The following ITSN1 variants were observed in gnomAD, a reference collection of about 807,000 sequenced individuals.
The protein encoded by ITSN1 is intersectin-1.
Under a neutral mutation model 239.8 loss-of-function variants are expected in ITSN1, and 58 were observed. The ratio of observed to expected loss-of-function variants is 0.24; its 90% CI spans 0.20 to 0.30. ITSN1 has a LOEUF of 0.30. Among genes scored for constraint, ITSN1 ranks in the 10% least tolerant of loss-of-function variants. The pLI, the probability that ITSN1 is intolerant of heterozygous loss-of-function variation, is 1.00. For missense variants in ITSN1, 1,558 were observed against 2,103.3 expected (o/e 0.74, Z 5.07); for synonymous variants, 780 against 770.8 (o/e 1.01, Z -0.20).
chr21:33,770,392 T>A (rs541955513), intron 11 of ITSN1, among the ~76,000 whole-genome samples: 1 of 152,118 alleles, frequency 6.6e-6, no homozygotes, highest in Non-Finnish European at 1.5e-5. Flanking sequence ...TTCCAGAGGC[T>A]CCATCTCCAA....
At position 33,875,428 on chromosome 21, in the gene ITSN1, C is replaced by G; in HGVS notation, c.4248C>G (p.Leu1416=). 1 of 1,614,180 alleles carries G rather than the reference C, an allele frequency of 6.2e-7. No individual in the cohort carries two copies. The highest frequency in any genetic ancestry group is 1.1e-5 in the South Asian group (1 of 91,080). Residue 1416 remains leucine (L), a synonymous_variant, in exon 34 of 40, where the codon CTC becomes CTG. Transcript: ENST00000381318. ...LKHALEKAEE[L]CSQVNEGVRE... ...ACGCCCTGGAGAAGGCGGAAGAGCT[C>G]TGTTCCCAGGTGAACGAAGGGGTGC...
At chr21:33,748,648 C>G (rs899929545) in intron 5 of ITSN1, among the ~76,000 whole-genome samples, 1 of 150,624 alleles carries the variant, frequency 6.6e-6, no homozygotes, top group Non-Finnish European at 1.5e-5. Flanking sequence ...GAGACGAGCT[C>G]AGGCAACATA....
chr21:33,854,507 A>G (rs886731008), intron 29 of ITSN1, among the ~76,000 whole-genome samples: 1 of 152,214 alleles, frequency 6.6e-6, no homozygotes, highest in African/African-American at 2.4e-5. Context: ...AGAGGGCAGG[A>G]ACAAGATATG....
intron 33 of ITSN1, among the ~76,000 whole-genome samples, chr21:33,868,570 C>T (rs1021307520): frequency 6.6e-6 from 1 of 152,206 alleles, no homozygotes. Context: ...GTGCTAAGTC[C>T]CTCATTGCCC....
rs1281448102 is a variant in ITSN1 at position 33,882,741 on chromosome 21, G to C, written c.4554+286G>C. On this transcript the variant is annotated intron_variant, in intron 35 of 39. Transcript: ENST00000381318. This position sits in a 1 kb window ranked among gnomAD's most constrained non-coding sequence, Gnocchi z 4.5. ...TTTAGCCTGTAGGAGCGAAGTCTAG[G>C]GTACAGATGAGGCAGGTGTGAAAAA... Among the ~76,000 whole-genome samples, 2 of 152,156 alleles carry C rather than the reference G, an allele frequency of 1.3e-5. No individual in the cohort carries two copies. The highest frequency in any genetic ancestry group is 6.5e-5 in the Admixed American group (1 of 15,278).
intron 33 of ITSN1, among the ~76,000 whole-genome samples, chr21:33,870,043 C>T (rs1432980022): frequency 1.3e-5 from 2 of 152,146 alleles, no homozygotes; most frequent in Non-Finnish European, 2.9e-5. Context: ...CTCTCATTAT[C>T]CTCAATGTGT....
At chr21:33,657,194 A>C (rs928456801) in intron 1 of ITSN1, among the ~76,000 whole-genome samples, 63 of 152,212 alleles carry the variant, frequency 4.1e-4, no homozygotes, top group African/African-American at 1.5e-3. Context: ...TGGAATCCCC[A>C]GTGTTTATTG....
chr21:33,764,058 G>A (rs982111178), intron 9 of ITSN1, among the ~76,000 whole-genome samples: 1 of 151,984 alleles, frequency 6.6e-6, no homozygotes, highest in Middle Eastern at 3.2e-3. Flanking sequence ...TTTAAATCAG[G>A]GTATTGAACA....
intron 31 of ITSN1, among the ~76,000 whole-genome samples, chr21:33,861,818 C>T (rs13047391): frequency 0.22 from 32,711 of 151,332 alleles, 4,306 homozygotes; most frequent in East Asian, 0.4. Context: ...TGGTGGCGGG[C>T]GCCTGTAGTC....
intron 29 of ITSN1, chr21:33,837,899 C>T (rs1276024610): frequency 6.1e-6 from 6 of 985,692 alleles, no homozygotes; most frequent in East Asian, 1.1e-4. Context: ...TTACGATCAA[C>T]GATATCCACA....
chr21:33,849,844 T>G (rs2075104211), intron 29 of ITSN1, among the ~76,000 whole-genome samples: 1 of 152,176 alleles, frequency 6.6e-6, no homozygotes, highest in African/African-American at 2.4e-5. Flanking sequence ...TCCTCCTTCA[T>G]ATTCCAATAA....
At position 33,797,176 on chromosome 21, in the gene ITSN1, C is replaced by T. The variant is rs1195310863; in HGVS notation, c.1953-203C>T. Among the ~76,000 whole-genome samples, 2 of 152,082 alleles carry T rather than the reference C, an allele frequency of 1.3e-5. No homozygotes were observed. The highest frequency in any genetic ancestry group is 4.8e-5 in the African/African-American group (2 of 41,390). ...CTTGTAACCACTTTGTAAAATACAT[C>T]AGAAATTTTCTGTGTTTTCCTAAAT... is the stretch of plus-strand genomic sequence containing the variant. On this transcript the variant is annotated intron_variant, in intron 17 of 39. Coordinates refer to ENST00000381318, the MANE Select transcript of ITSN1 (RefSeq NM_003024.3). The surrounding 1 kb of genome is among the most constrained non-coding windows in gnomAD (Gnocchi z 4.9).
intron 7 of ITSN1, among the ~76,000 whole-genome samples, chr21:33,753,312 T>A (rs766187845): frequency 1.8e-4 from 28 of 152,208 alleles, no homozygotes; most frequent in Non-Finnish European, 3.2e-4. Context: ...ATTAATCCTA[T>A]TCAACCCCAT....
chr21:33,651,465 G>C (rs1435281881), intron 1 of ITSN1, among the ~76,000 whole-genome samples: 2 of 152,174 alleles, frequency 1.3e-5, no homozygotes, highest in East Asian at 3.8e-4. Flanking sequence ...TACTTTGTGA[G>C]GTCTCAGGAA....
At position 33,859,208 on chromosome 21, in the gene ITSN1, G is replaced by C. The variant is rs147920545; in HGVS notation, c.3890+416G>C. ...TTGGCCCTGCAGATGGAAAAATGTG[G>C]AACTGTTCACTGCCTAACATCAGCA... On this transcript the variant is annotated intron_variant, in intron 31 of 39. Coordinates refer to ENST00000381318, the MANE Select transcript of ITSN1 (RefSeq NM_003024.3). Among the ~76,000 whole-genome samples, 240 of 152,288 alleles carry C rather than the reference G, an allele frequency of 1.6e-3. 1 individual carries two copies. Among genetic ancestry groups the C allele is most frequent in the African/African-American group, 5.6e-3 (231 of 41,564 alleles).
At chr21:33,877,986 C>G (rs796090145) in intron 34 of ITSN1, among the ~76,000 whole-genome samples, 10 of 146,942 alleles carry the variant, frequency 6.8e-5, no homozygotes, top group African/African-American at 2.6e-4. Flanking sequence ...CTCTCTGTCT[C>G]TCTTTCTCTT....
At chr21:33,654,680 A>G (rs2088881558) in intron 1 of ITSN1, among the ~76,000 whole-genome samples, 1 of 152,196 alleles carries the variant, frequency 6.6e-6, no homozygotes, top group Admixed American at 6.5e-5. Context: ...TAGGCTCAAT[A>G]GAGAAGGATT....
chr21:33,734,966 C>A, intron 4 of ITSN1, 78 bp from the exon 5 acceptor site: 1 of 1,243,668 alleles, frequency 8.0e-7, no homozygotes. Flanking sequence ...ATTTTGTTTT[C>A]GTGTTGGTGG....
intron 34 of ITSN1, among the ~76,000 whole-genome samples, chr21:33,880,915 C>T (rs1276879889): frequency 6.6e-6 from 1 of 152,068 alleles, no homozygotes; most frequent in African/African-American, 2.4e-5. Flanking sequence ...ACCTCAGTGC[C>T]CTCTGCCCCT....
Sources: gnomAD v4.1 joint callset for allele counts (sites outside exome capture counted in the v4.1 genomes callset) on GRCh38, gnomAD v4.1.1 for gene constraint, Gnocchi (gnomAD v3.1) non-coding constraint, MANE v1.5 for transcripts, NCBI Gene and HGNC (gene_info 2026-07-23, HGNC 2026-07-21) for gene names.